Variants in CBY1 observed in about 807,000 individuals in gnomAD.
The protein encoded by CBY1 is protein chibby homolog 1.
In CBY1, 10 loss-of-function variants were observed where a neutral mutation model predicts 15.6. That is an observed-to-expected ratio of 0.64 (90% CI 0.40 to 1.09). CBY1 has a LOEUF of 1.09. Ranked by LOEUF, CBY1 falls within the 50% of genes least tolerant of loss-of-function variation. CBY1 has a pLI of 0.01. For synonymous variants in CBY1, 61 were observed against 63.5 expected (o/e 0.96, Z 0.19); for missense variants, 150 against 160.5 (o/e 0.93, Z 0.35).
At chr22:38,666,992 G>A (rs974790271) in intron 1 of CBY1, among the ~76,000 whole-genome samples, 27 of 145,914 alleles carry the variant, frequency 1.9e-4, no homozygotes, top group East Asian at 6.2e-4. Flanking sequence ...ATGAGCCACC[G>A]TGCCCAGCCA....
chr22:38,667,727 T>A, intron 1 of CBY1: 1 of 312,872 alleles, frequency 3.2e-6, no homozygotes, highest in Non-Finnish European at 5.9e-6. Context: ...ACAGACAGCA[T>A]GGCAGCAGAA....
At chr22:38,670,858 G>A in intron 2 of CBY1, 26 bp from the exon 3 acceptor site, 1 of 1,554,738 alleles carries the variant, frequency 6.4e-7, no homozygotes, top group South Asian at 1.1e-5. Context: ...GCCTGCTGAA[G>A]TTGTCACATA....
At chr22:38,658,227 G>A (rs372140273) in intron 1 of CBY1, among the ~76,000 whole-genome samples, 2 of 150,292 alleles carry the variant, frequency 1.3e-5, no homozygotes, top group African/African-American at 4.9e-5. Flanking sequence ...CTGGGTTCAA[G>A]CAATTATCCT....
rs569299523 is a variant in CBY1, at chr22:38,656,729, C to G, written c.-60C>G. 3.5e-4 allele frequency: 53 copies of G among 152,434 alleles called. 2 individuals carry two copies. The South Asian group carries it at 0.01, about 29-fold the overall frequency. 9.4% of individuals were successfully genotyped at this position (152,434 alleles called of 1,614,324 possible). A position where few individuals can be genotyped will look rare whatever the true frequency, so the allele number is the denominator to read the frequency against. On this transcript the variant is annotated 5_prime_UTR_variant, in exon 1 of 5. Coordinates refer to ENST00000216029, the MANE Select transcript of CBY1 (RefSeq NM_015373.4). ...CTGGGGGTTCGGGGAGCGCTTGGAC[C>G]CCGGCTTCTGGGACGCGTCAGGTAC...
chr22:38,665,757 C>T (rs1283561307), intron 1 of CBY1: 1 of 1,212,768 alleles, frequency 8.2e-7, no homozygotes, highest in African/African-American at 1.6e-5. Context: ...TGTTTTGAGC[C>T]AGTGCGTTGG....
At chr22:38,672,271 AAAAAG>A (rs2092454782) in intron 4 of CBY1, among the ~76,000 whole-genome samples, 1 of 151,792 alleles carries the variant, frequency 6.6e-6, no homozygotes, top group Admixed American at 6.6e-5. Flanking sequence ...TGGAAAAAAA[AAAAAG>A]AAAAAGACTG....
At chr22:38,659,633 C>T (rs550691493) in intron 1 of CBY1, among the ~76,000 whole-genome samples, 7 of 151,952 alleles carry the variant, frequency 4.6e-5, no homozygotes, top group East Asian at 2.0e-4. Flanking sequence ...GAGGCCAAGG[C>T]GGGCAGATCA....
At chr22:38,659,861 CAAAA>C (rs71197126) in intron 1 of CBY1, among the ~76,000 whole-genome samples, 50 of 68,378 alleles carry the variant, frequency 7.3e-4, no homozygotes, top group African/African-American at 2.9e-3. Flanking sequence ...GACTCTGTCT[CAAAA>C]AAAAAAAAAA....
At chr22:38,659,837 G>A (rs1001587482) in intron 1 of CBY1, among the ~76,000 whole-genome samples, 4 of 148,544 alleles carry the variant, frequency 2.7e-5, no homozygotes, top group East Asian at 2.0e-4. Flanking sequence ...ACTCCAGCCC[G>A]GGCGACAGAG....
intron 1 of CBY1, among the ~76,000 whole-genome samples, chr22:38,665,000 CGCCTGGCTGAT>C (rs1286502191): frequency 6.6e-6 from 1 of 152,122 alleles, no homozygotes; most frequent in African/African-American, 2.4e-5. Context: ...TACACCACCA[CGCCTGGCTGAT>C]TTTTCAATTT....
chr22:38,664,198 G>A (rs181543490), intron 1 of CBY1, among the ~76,000 whole-genome samples: 42 of 151,902 alleles, frequency 2.8e-4, no homozygotes, highest in African/African-American at 9.7e-4. Flanking sequence ...AGGGCTGGGC[G>A]CGGTGGCTCA....
At chr22:38,665,059 G>A (rs1307872525) in intron 1 of CBY1, among the ~76,000 whole-genome samples, 1 of 152,120 alleles carries the variant, frequency 6.6e-6, no homozygotes, top group Non-Finnish European at 1.5e-5. Context: ...GCCTAGGCTG[G>A]TCTTGAACTC....
intron 1 of CBY1, chr22:38,665,678 G>T (rs979393299): frequency 1.9e-5 from 23 of 1,210,614 alleles, no homozygotes; most frequent in Non-Finnish European, 1.9e-5. Flanking sequence ...TGCATGTACA[G>T]TGGCCAGGTG....
At chr22:38,663,670 T>A (rs1188052874) in intron 1 of CBY1, among the ~76,000 whole-genome samples, 5 of 124,578 alleles carry the variant, frequency 4.0e-5, no homozygotes, top group Non-Finnish European at 7.9e-5. Flanking sequence ...CACTTCAGCC[T>A]GGGCCACAAG....
At position 38,660,694 on chromosome 22, in the gene CBY1, G is replaced by C. The variant is rs1320249987; in HGVS notation, c.-39+3944G>C. ...CAACTGATCATGGCTATGCACCTTG[G>C]GAAAATTGGGAAACTACCCCAAACC... is the stretch of plus-strand genomic sequence containing the variant. On this transcript the variant is annotated intron_variant, in intron 1 of 4. Transcript: ENST00000216029. Among the ~76,000 whole-genome samples the C allele has an allele frequency of 6.6e-5, 10 of 151,770 alleles. No homozygotes were observed. In the South Asian group the frequency reaches 1.9e-3, roughly 29 times the overall value.
At chr22:38,670,670 G>T in intron 2 of CBY1, 1 of 505,900 alleles carries the variant, frequency 2.0e-6, no homozygotes, top group Non-Finnish European at 3.5e-6. Context: ...AGCTTTTCTG[G>T]AAAACATCTA....
chr22:38,670,750 T>C, intron 2 of CBY1, 134 bp from the exon 3 acceptor site: 2 of 659,480 alleles, frequency 3.0e-6, no homozygotes, highest in Non-Finnish European at 5.4e-6. Context: ...TTTATGGCTT[T>C]AAAAAAATCA....
At chr22:38,662,648 GC>G (rs1430949298) in intron 1 of CBY1, among the ~76,000 whole-genome samples, 2 of 151,978 alleles carry the variant, frequency 1.3e-5, no homozygotes, top group African/African-American at 4.8e-5. Context: ...ACACCACCAT[GC>G]CCAGCTAATT....
At chr22:38,669,503 G>A (rs2145786398) in intron 2 of CBY1, among the ~76,000 whole-genome samples, 1 of 152,226 alleles carries the variant, frequency 6.6e-6, no homozygotes, top group East Asian at 1.9e-4. Flanking sequence ...TGCTTTCATG[G>A]GGCAGATACT....
Sources: gnomAD v4.1 joint callset for allele counts (sites outside exome capture counted in the v4.1 genomes callset) on GRCh38, gnomAD v4.1.1 for gene constraint, MANE v1.5 for transcripts, NCBI Gene and HGNC (gene_info 2026-07-23, HGNC 2026-07-21) for gene names.